The following TNIK variants were observed in gnomAD, a reference collection of about 807,000 sequenced individuals.
TNIK encodes the protein TRAF2 and NCK-interacting protein kinase.
Under a neutral mutation model 191.3 loss-of-function variants are expected in TNIK, and 49 were observed. The ratio of observed to expected loss-of-function variants is 0.26; its 90% CI spans 0.20 to 0.32. TNIK has a LOEUF of 0.32. Among genes scored for constraint, TNIK ranks in the 10% least tolerant of loss-of-function variants. TNIK has a pLI of 1.00. For missense variants in TNIK, 1,155 were observed against 1,702.3 expected (o/e 0.68, Z 5.66); for synonymous variants, 594 against 600.9 (o/e 0.99, Z 0.17).
At chr3:171,203,553 A>T (rs550576212) in intron 4 of TNIK, among the ~76,000 whole-genome samples, 1 of 152,246 alleles carries the variant, frequency 6.6e-6, no homozygotes, top group African/African-American at 2.4e-5. Context: ...ACTTTTCAAG[A>T]ATCCAGACTT....
At chr3:171,420,018 T>G (rs1723560023) in intron 1 of TNIK, among the ~76,000 whole-genome samples, 1 of 152,238 alleles carries the variant, frequency 6.6e-6, no homozygotes, top group Non-Finnish European at 1.5e-5. Context: ...GATGGCTTTT[T>G]AGCATCTTTA....
intron 32 of TNIK, among the ~76,000 whole-genome samples, chr3:171,064,325 G>A (rs992530460): frequency 2.0e-5 from 3 of 152,152 alleles, no homozygotes; most frequent in Non-Finnish European, 2.9e-5. Context: ...TTTCTAGAAA[G>A]GCACAGAAGC....
intron 1 of TNIK, among the ~76,000 whole-genome samples, chr3:171,440,724 G>T (rs547645178): frequency 2.6e-5 from 4 of 152,208 alleles, no homozygotes; most frequent in Admixed American, 1.3e-4. Context: ...GGAAGAGGGT[G>T]TGGAGGGAGA....
At chr3:171,151,986 A>C (rs1319060607) in intron 12 of TNIK, among the ~76,000 whole-genome samples, 1 of 152,136 alleles carries the variant, frequency 6.6e-6, no homozygotes, top group Admixed American at 6.5e-5. Context: ...ACCCTAAGAG[A>C]AGAGTGAATG....
In TNIK at chr3:171,398,924, G is replaced by A. The variant is rs769277731; in HGVS notation, c.58-29239C>T. ...TGCAGCACAGGTGTTCTTGCCCTCT[G>A]CTGCCTCCTTAGCCCCAAGAATCAG... is the stretch of plus-strand genomic sequence containing the variant. On this transcript the variant is annotated intron_variant, in intron 1 of 32. Transcript: ENST00000436636. Among the ~76,000 whole-genome samples, 5 of 152,132 alleles carry A rather than the reference G, an allele frequency of 3.3e-5. 1 individual carries two copies. The South Asian group carries it at 1.0e-3, about 32-fold the overall frequency.
intron 2 of TNIK, among the ~76,000 whole-genome samples, chr3:171,345,092 G>C (rs1167997361): frequency 1.3e-5 from 2 of 152,042 alleles, no homozygotes; most frequent in African/African-American, 4.8e-5. Context: ...ACCCTCTCAG[G>C]GTTGGGAATA....
chr3:171,194,632 C>G lies in TNIK; in HGVS notation c.310G>C (p.Val104Leu). The G allele has an allele frequency of 6.2e-7, 1 of 1,613,480 alleles. No individual in the cohort carries two copies. The highest frequency in any genetic ancestry group is 2.2e-5 in the East Asian group (1 of 44,846). The change falls in exon 5 of 33, where the codon GTG (valine) becomes CTG (leucine). Residue 104 changes from valine (V) to leucine (L), a missense_variant. Physicochemically the swap from Val to Leu is conservative, Grantham distance 32. Around this residue, in one of 3 missense-constraint regions of TNIK, gnomAD observed 225 missense variants for 438.9 expected, o/e 0.51. Transcript: ENST00000436636. ...GAGCCAGCACCACAAAACTCCATCACCAACTGGCAAAGGAAGCAAACAAGC... is the reference window on the plus strand; with the variant it reads ...GAGCCAGCACCACAAAACTCCATCAGCAACTGGCAAAGGAAGCAAACAAGC... ...PPGMDDQLWL[V>L]MEFCGAGSVT...
chr3:171,347,221 G>T (rs1409146759), intron 2 of TNIK: 1 of 1,417,894 alleles, frequency 7.1e-7, no homozygotes, highest in Non-Finnish European at 9.3e-7. Context: ...TTCATTTGCT[G>T]AAAAAAAAAA....
chr3:171,093,615 A>T lies in TNIK; in HGVS notation c.2721+224T>A, dbSNP rs530640306. Among the ~76,000 whole-genome samples, 3 of 152,342 alleles carry T rather than the reference A, an allele frequency of 2.0e-5. No homozygotes were observed. The South Asian group carries it at 6.2e-4, about 32-fold the overall frequency. On this transcript the variant is annotated intron_variant, in intron 23 of 32. Coordinates refer to ENST00000436636, the MANE Select transcript of TNIK (RefSeq NM_015028.4). ...TGATTTGCATAGCTCCTGCTGAAGA[A>T]TTTGGAATAATATAATTAAGTCACA...
At chr3:171,248,642 C>T (rs942218433) in intron 2 of TNIK, among the ~76,000 whole-genome samples, 1 of 152,082 alleles carries the variant, frequency 6.6e-6, no homozygotes, top group African/African-American at 2.4e-5. Flanking sequence ...AGGCTGTGGT[C>T]TAAGATTGGG....
chr3:171,219,099 A>C (rs1254864922), intron 3 of TNIK, among the ~76,000 whole-genome samples: 1 of 132,084 alleles, frequency 7.6e-6, no homozygotes, highest in African/African-American at 2.8e-5. Flanking sequence ...TAAATATATA[A>C]TTATAAATAT....
chr3:171,428,525 C>T (rs769919071), intron 1 of TNIK, among the ~76,000 whole-genome samples: 7 of 152,124 alleles, frequency 4.6e-5, no homozygotes, highest in Non-Finnish European at 1.0e-4. Flanking sequence ...TAGCTTTCTG[C>T]TGTCCTAATC....
intron 18 of TNIK, among the ~76,000 whole-genome samples, chr3:171,118,116 G>A (rs1438801474): frequency 6.6e-6 from 1 of 152,018 alleles, no homozygotes; most frequent in Non-Finnish European, 1.5e-5. Flanking sequence ...AAATCAATGT[G>A]CAAAAATCAC....
chr3:171,217,519 A>G (rs191502331), intron 3 of TNIK, among the ~76,000 whole-genome samples: 28 of 152,148 alleles, frequency 1.8e-4, no homozygotes, highest in Admixed American at 1.2e-3. Flanking sequence ...TCAAACCTGC[A>G]CATGTACCTC....
rs554761716 is a variant in TNIK, at chr3:171,341,791, C to T, written c.123+27829G>A. Among the ~76,000 whole-genome samples the T allele has an allele frequency of 2.0e-5, 3 of 152,220 alleles. No individual in the cohort carries two copies. The South Asian group carries it at 6.2e-4, about 32-fold the overall frequency. The stretch of plus-strand genomic sequence containing the variant: ...GAGAGAGGCTTAACTCAAAAATAAT[C>T]CATACGTTCATTCCAGCTCACCAAG... On this transcript the variant is annotated intron_variant, in intron 2 of 32. Transcript: ENST00000436636.
intron 2 of TNIK, among the ~76,000 whole-genome samples, chr3:171,287,299 T>C: frequency 6.6e-6 from 1 of 152,240 alleles, no homozygotes; most frequent in Middle Eastern, 3.2e-3. Flanking sequence ...TCAAGTCCTA[T>C]TTTTATCATT....
intron 2 of TNIK, among the ~76,000 whole-genome samples, chr3:171,261,940 G>A (rs1747680938): frequency 6.6e-6 from 1 of 152,110 alleles, no homozygotes; most frequent in South Asian, 2.1e-4. Context: ...GCTGTTTCCT[G>A]GATAACAAGA....
At chr3:171,337,384 C>T (rs1280627708) in intron 2 of TNIK, among the ~76,000 whole-genome samples, 2 of 152,184 alleles carry the variant, frequency 1.3e-5, no homozygotes, top group Non-Finnish European at 2.9e-5. Context: ...AGCAAAAGAC[C>T]TCAGATAAGC....
chr3:171,158,981 A>G (rs996304283), intron 11 of TNIK, among the ~76,000 whole-genome samples: 5 of 152,136 alleles, frequency 3.3e-5, no homozygotes, highest in South Asian at 2.1e-4. Flanking sequence ...AGCAGAGTGA[A>G]TGAGAGGGAG....
Sources: gnomAD v4.1 joint callset for allele counts (sites outside exome capture counted in the v4.1 genomes callset) on GRCh38, gnomAD v4.1.1 for gene constraint, gnomAD v4.1.1 regional missense constraint, MANE v1.5 for transcripts, NCBI Gene and HGNC (gene_info 2026-07-23, HGNC 2026-07-21) for gene names.